The following RBFOX1 variants were observed in gnomAD, a reference collection of about 807,000 sequenced individuals.
RBFOX1 encodes the protein RNA binding fox-1 homolog 1.
In RBFOX1, 8 loss-of-function variants were observed where a neutral mutation model predicts 57.7. The observed-to-expected ratio is 0.14, with a 90% confidence interval of 0.08 to 0.25. The LOEUF (loss-of-function observed/expected upper bound fraction) is 0.25, where lower values mean the gene tolerates loss of function less well. Ranked by LOEUF, RBFOX1 falls within the 10% of genes least tolerant of loss-of-function variation. RBFOX1 has a pLI of 1.00. For synonymous variants in RBFOX1, 326 were observed against 222.4 expected (o/e 1.47, Z -4.15); for missense variants, 611 against 548.5 (o/e 1.11, Z -1.14).
intron 3 of RBFOX1, among the ~76,000 whole-genome samples, chr16:5,675,493 C>CA (rs944874026): frequency 2.0e-5 from 3 of 152,174 alleles, no homozygotes; most frequent in African/African-American, 7.2e-5. Flanking sequence ...AATTGCTCCC[C>CA]AAACACAGCT....
rs184329578 is a variant in RBFOX1 at position 5,283,326 on chromosome 16, G to T, written c.219+43221G>T. On this transcript the variant is annotated intron_variant, in intron 1 of 2. Coordinates refer to the RBFOX1 transcript ENST00000585867. ...GGAGCCCCCACATAGAGTCCCTACT[G>T]TGGCACCACCTAGTGGAGCTGTGAG... Among the ~76,000 whole-genome samples the T allele has an allele frequency of 2.0e-5, 3 of 152,190 alleles. No homozygotes were observed. The South Asian group carries it at 6.2e-4, about 32-fold the overall frequency.
intron 2 of RBFOX1, among the ~76,000 whole-genome samples, chr16:6,606,045 G>T (rs951041979): frequency 2.0e-5 from 3 of 151,994 alleles, no homozygotes; most frequent in Non-Finnish European, 4.4e-5. Context: ...GGAGGTGGAG[G>T]TTGCAATGAG....
chr16:6,600,592 A>G (rs746434770), intron 2 of RBFOX1, among the ~76,000 whole-genome samples: 1 of 152,230 alleles, frequency 6.6e-6, no homozygotes, highest in Non-Finnish European at 1.5e-5. Context: ...AATATTACTT[A>G]CAAACCTGCC....
chr16:5,434,898 G>C (rs1483505316), intron 1 of RBFOX1, among the ~76,000 whole-genome samples: 1 of 35,864 alleles, frequency 2.8e-5, no homozygotes, highest in Non-Finnish European at 5.0e-5. Context: ...TCCCCACAAA[G>C]GTAAGATAAA....
chr16:5,372,495 C>T (rs999009724), intron 1 of RBFOX1, among the ~76,000 whole-genome samples: 3 of 152,208 alleles, frequency 2.0e-5, no homozygotes, highest in Non-Finnish European at 2.9e-5. Flanking sequence ...AAGAAATGCT[C>T]AGTCTCCAGG....
chr16:5,785,025 G>A (rs548561599), intron 3 of RBFOX1, among the ~76,000 whole-genome samples: 2 of 152,306 alleles, frequency 1.3e-5, no homozygotes, highest in South Asian at 2.1e-4. Flanking sequence ...GATTAAATGA[G>A]CTCTTTTGTG....
chr16:6,317,138 T>C (rs2081210068), intron 2 of RBFOX1, 81 bp downstream of exon 2: 2 of 1,347,586 alleles, frequency 1.5e-6, no homozygotes, highest in African/African-American at 2.9e-5. Context: ...AGCTCTTTTC[T>C]GCAGGTTTGA....
At chr16:6,452,701 G>C (rs1023047846) in intron 2 of RBFOX1, among the ~76,000 whole-genome samples, 2 of 152,310 alleles carry the variant, frequency 1.3e-5, no homozygotes, top group South Asian at 2.1e-4. Flanking sequence ...TTGACTATAG[G>C]TGGTTCACAG....
chr16:7,475,309 CT>C (rs753509713), intron 4 of RBFOX1, among the ~76,000 whole-genome samples: 11,418 of 132,650 alleles, frequency 0.086, 922 homozygotes, highest in African/African-American at 0.24. Context: ...GATGGGCATT[CT>C]TTTTTTTTTT....
intron 2 of RBFOX1, among the ~76,000 whole-genome samples, chr16:6,572,341 G>C (rs1180679641): frequency 1.3e-5 from 2 of 152,096 alleles, no homozygotes; most frequent in Non-Finnish European, 2.9e-5. Context: ...TTTTCTTAAT[G>C]AGTATGTTCT....
chr16:7,067,863 A>T (rs1394776672), intron 4 of RBFOX1, among the ~76,000 whole-genome samples: 1 of 151,350 alleles, frequency 6.6e-6, no homozygotes, highest in African/African-American at 2.4e-5. Flanking sequence ...AAGGACATGA[A>T]CTCATCATTT....
intron 1 of RBFOX1, among the ~76,000 whole-genome samples, chr16:5,375,577 C>G (rs1171123000): frequency 6.6e-6 from 1 of 152,170 alleles, no homozygotes; most frequent in Non-Finnish European, 1.5e-5. Flanking sequence ...TAAGAAGAGT[C>G]CCACATTCTG....
At chr16:5,447,222 A>G (rs2068269909) in intron 1 of RBFOX1, among the ~76,000 whole-genome samples, 3 of 152,078 alleles carry the variant, frequency 2.0e-5, no homozygotes, top group Non-Finnish European at 2.9e-5. Flanking sequence ...TTCTTGGTGA[A>G]GGCAGTGTGT....
rs1038851506 is a variant in RBFOX1, at chr16:5,914,667, C to T, written c.351+47332C>T. Among the ~76,000 whole-genome samples the T allele has an allele frequency of 7.2e-5, 11 of 152,076 alleles. No homozygotes were observed. The East Asian group carries it at 1.7e-3, about 24-fold the overall frequency. ...ATCCCAGCACTTTGGGAGGCCCAGG[C>T]GGGCGGATCACGAGGTCAGGAGATT... On this transcript the variant is annotated intron_variant, in intron 4 of 19. Coordinates refer to the RBFOX1 transcript ENST00000641259.
chr16:7,545,367 C>G (rs925740617), intron 5 of RBFOX1, among the ~76,000 whole-genome samples: 1 of 152,076 alleles, frequency 6.6e-6, no homozygotes, highest in Non-Finnish European at 1.5e-5. Context: ...CCCTTGCTCA[C>G]AGCCAGGCCT....
At chr16:7,539,674 G>A (rs908155813) in intron 5 of RBFOX1, among the ~76,000 whole-genome samples, 4 of 152,184 alleles carry the variant, frequency 2.6e-5, no homozygotes, top group African/African-American at 9.7e-5. Flanking sequence ...TACCGAGACT[G>A]TTTCTGGCCA....
chr16:5,241,117 G>A (rs184340424), intron 1 of RBFOX1, among the ~76,000 whole-genome samples: 1 of 152,170 alleles, frequency 6.6e-6, no homozygotes, highest in Admixed American at 6.5e-5. Context: ...AACCCATTTG[G>A]GCAGCACGGG....
chr16:6,526,923 G>C (rs1279392323), intron 2 of RBFOX1, among the ~76,000 whole-genome samples: 1 of 128,806 alleles, frequency 7.8e-6, no homozygotes, highest in Non-Finnish European at 1.6e-5. Flanking sequence ...GTACATAAAA[G>C]ATATAATCAC....
chr16:6,791,730 C>A (rs1344679358), intron 3 of RBFOX1, among the ~76,000 whole-genome samples: 1 of 152,166 alleles, frequency 6.6e-6, no homozygotes, highest in Non-Finnish European at 1.5e-5. Context: ...CACTGCACTG[C>A]AGCCTGGGGG....
Sources: allele counts gnomAD v4.1 joint callset (sites outside exome capture counted in the v4.1 genomes callset), GRCh38; gene constraint gnomAD v4.1.1; transcripts MANE v1.5; gene names NCBI Gene and HGNC (gene_info 2026-07-23, HGNC 2026-07-21).